RAB6A: variants seen among roughly 807,000 people sequenced by gnomAD.
RAB6A encodes ras-related protein Rab-6A.
Under a neutral mutation model 32.3 loss-of-function variants are expected in RAB6A, and 8 were observed. That is an observed-to-expected ratio of 0.25 (90% CI 0.15 to 0.45). The LOEUF (loss-of-function observed/expected upper bound fraction) is 0.45, where lower values mean the gene tolerates loss of function less well. Ranked by LOEUF, RAB6A falls within the 20% of genes least tolerant of loss-of-function variation. RAB6A has a pLI of 1.00. For synonymous variants in RAB6A, 73 were observed against 82.1 expected (o/e 0.89, Z 0.60); for missense variants, 104 against 249.4 (o/e 0.42, Z 3.93).
intron 1 of RAB6A, among the ~76,000 whole-genome samples, chr11:73,739,418 C>T (rs909959000): frequency 6.7e-6 from 1 of 149,020 alleles, no homozygotes; most frequent in African/African-American, 2.5e-5. Context: ...GTGATCTTCC[C>T]GCCTCAGCCT....
At chr11:73,709,705 G>T (rs1945910643) in intron 5 of RAB6A, among the ~76,000 whole-genome samples, 2 of 149,654 alleles carry the variant, frequency 1.3e-5, no homozygotes. Context: ...CCTTTGGAAA[G>T]AAACCGTATT....
chr11:73,737,706 A>G (rs903821623), intron 1 of RAB6A, among the ~76,000 whole-genome samples: 1 of 152,108 alleles, frequency 6.6e-6, no homozygotes, highest in Non-Finnish European at 1.5e-5. Flanking sequence ...TAAAGACCAC[A>G]TATTATTGCC....
chr11:73,751,378 A>AT (rs1488974008), intron 1 of RAB6A, among the ~76,000 whole-genome samples: 1 of 152,208 alleles, frequency 6.6e-6, no homozygotes, highest in Non-Finnish European at 1.5e-5. Context: ...TAGAAAGCAA[A>AT]TGGAAAAGTA....
intron 6 of RAB6A, among the ~76,000 whole-genome samples, chr11:73,706,640 A>G (rs1195095125): frequency 6.6e-6 from 1 of 152,154 alleles, no homozygotes; most frequent in African/African-American, 2.4e-5. Context: ...AAATGGCTTG[A>G]TAATGTGACA....
chr11:73,721,339 T>A (rs777152234), intron 2 of RAB6A, among the ~76,000 whole-genome samples: 1 of 152,176 alleles, frequency 6.6e-6, no homozygotes, highest in Admixed American at 6.5e-5. Flanking sequence ...CCTAATGCCA[T>A]AGACAGCCAG....
intron 6 of RAB6A, among the ~76,000 whole-genome samples, chr11:73,700,984 TA>T (rs1319139519): frequency 6.6e-6 from 1 of 152,152 alleles, no homozygotes; most frequent in Non-Finnish European, 1.5e-5. Flanking sequence ...GAATCATGAT[TA>T]GATAATAAAT....
At chr11:73,692,674 G>A (rs943307496) in intron 6 of RAB6A, among the ~76,000 whole-genome samples, 1 of 151,354 alleles carries the variant, frequency 6.6e-6, no homozygotes, top group African/African-American at 2.4e-5. Context: ...ATGCCTGCCG[G>A]GCGCGGTGGC....
In RAB6A at chr11:73,677,544, C is replaced by T. The variant is rs10898932; in HGVS notation, c.*354G>A. On this transcript the variant is annotated 3_prime_UTR_variant, in exon 8 of 8. Transcript: ENST00000336083. ...AGAGATAAAGTAGGCTGTGAACATA[C>T]CGCTCGTTAACCAAGCCATACTCAT... 4.2e-6 allele frequency: 2 copies of T among 476,060 alleles called. No individual in the cohort carries two copies. The highest frequency in any genetic ancestry group is 7.9e-5 in the Admixed American group (2 of 25,194). 29.5% of individuals were successfully genotyped at this position (476,060 alleles called of 1,614,324 possible).
At chr11:73,753,346 G>A (rs575606834) in intron 1 of RAB6A, among the ~76,000 whole-genome samples, 4 of 152,124 alleles carry the variant, frequency 2.6e-5, no homozygotes, top group South Asian at 2.1e-4. Context: ...ACAGATGCAC[G>A]CCATCATGCC....
intron 1 of RAB6A, among the ~76,000 whole-genome samples, chr11:73,752,596 T>A (rs1946684892): frequency 6.6e-6 from 1 of 152,068 alleles, no homozygotes; most frequent in African/African-American, 2.4e-5. Context: ...GCCAGGCAGA[T>A]CGCATGAGCT....
At chr11:73,760,521 G>C (rs778979565) in intron 1 of RAB6A, 45 bp downstream of exon 1, 3 of 1,560,744 alleles carry the variant, frequency 1.9e-6, no homozygotes, top group Non-Finnish European at 2.6e-6. Context: ...GGCGGTGCGG[G>C]GACGCTGCGG....
At chr11:73,744,093 C>T (rs1389197806) in intron 1 of RAB6A, among the ~76,000 whole-genome samples, 1 of 152,044 alleles carries the variant, frequency 6.6e-6, no homozygotes, top group East Asian at 1.9e-4. Context: ...AATTTCAGCA[C>T]TTTGGGAGGC....
chr11:73,688,393 GT>G (rs1945493471), intron 6 of RAB6A, among the ~76,000 whole-genome samples: 1 of 152,166 alleles, frequency 6.6e-6, no homozygotes. Flanking sequence ...GGAAGGCTTA[GT>G]TTGCAGTCTC....
chr11:73,700,819 G>A, intron 6 of RAB6A, among the ~76,000 whole-genome samples: 1 of 152,068 alleles, frequency 6.6e-6, no homozygotes, highest in Non-Finnish European at 1.5e-5. Flanking sequence ...TCTTCTGTAA[G>A]ACAGAAGCAG....
intron 6 of RAB6A, among the ~76,000 whole-genome samples, chr11:73,707,183 A>T (rs1203958567): frequency 6.6e-6 from 1 of 152,010 alleles, no homozygotes; most frequent in Non-Finnish European, 1.5e-5. Flanking sequence ...GTAGGAATGT[A>T]GTGACAATAT....
At chr11:73,692,917 C>T (rs984504983) in intron 6 of RAB6A, among the ~76,000 whole-genome samples, 4 of 151,630 alleles carry the variant, frequency 2.6e-5, no homozygotes, top group South Asian at 2.1e-4. Flanking sequence ...GCCGAGATCG[C>T]GCCACTGCAC....
intron 5 of RAB6A, among the ~76,000 whole-genome samples, chr11:73,710,954 T>A (rs1945949118): frequency 6.6e-6 from 1 of 152,116 alleles, no homozygotes; most frequent in African/African-American, 2.4e-5. Context: ...GGCCCTGATT[T>A]ATAGTTTAAC....
At chr11:73,755,395 G>A (rs1359320745) in intron 1 of RAB6A, among the ~76,000 whole-genome samples, 1 of 151,858 alleles carries the variant, frequency 6.6e-6, no homozygotes, top group Non-Finnish European at 1.5e-5. Context: ...CCGAGTTCAA[G>A]CAATGCTCCT....
At chr11:73,693,285 C>A (rs937151367) in intron 6 of RAB6A, among the ~76,000 whole-genome samples, 1 of 145,480 alleles carries the variant, frequency 6.9e-6, no homozygotes, top group South Asian at 2.2e-4. Flanking sequence ...AAGACTCCGT[C>A]TCCAAAAAAT....
Sources: gnomAD v4.1 joint callset for allele counts (sites outside exome capture counted in the v4.1 genomes callset) on GRCh38, gnomAD v4.1.1 for gene constraint, MANE v1.5 for transcripts, NCBI Gene and HGNC (gene_info 2026-07-23, HGNC 2026-07-21) for gene names.